NOVA1: variants seen among roughly 807,000 people sequenced by gnomAD.
The protein encoded by NOVA1 is NOVA alternative splicing regulator 1.
Under a neutral mutation model 38.0 loss-of-function variants are expected in NOVA1, and 7 were observed. The ratio of observed to expected loss-of-function variants is 0.18; its 90% CI spans 0.10 to 0.35. The LOEUF (loss-of-function observed/expected upper bound fraction) is 0.35, where lower values mean the gene tolerates loss of function less well. Ranked by LOEUF, NOVA1 falls within the 10% of genes least tolerant of loss-of-function variation. The pLI, the probability that NOVA1 is intolerant of heterozygous loss-of-function variation, is 1.00. For missense variants in NOVA1, 460 were observed against 616.0 expected (o/e 0.75, Z 2.68); for synonymous variants, 270 against 232.5 (o/e 1.16, Z -1.47).
intron 2 of NOVA1, among the ~76,000 whole-genome samples, chr14:26,563,386 G>A (rs1891944542): frequency 6.9e-6 from 1 of 144,768 alleles, no homozygotes; most frequent in Admixed American, 7.0e-5. Flanking sequence ...GAAACAGTAA[G>A]AACTTTTAGA....
chr14:26,549,712 T>C (rs1228532519), intron 2 of NOVA1: 1 of 1,288,082 alleles, frequency 7.8e-7, no homozygotes, highest in Non-Finnish European at 1.0e-6. Context: ...AGTTTCACTC[T>C]GCAGATGGCA....
intron 2 of NOVA1, among the ~76,000 whole-genome samples, chr14:26,561,966 T>C (rs537427279): frequency 1.5e-4 from 23 of 152,222 alleles, no homozygotes; most frequent in Non-Finnish European, 3.1e-4. Flanking sequence ...TAATCGTTTA[T>C]ATTAAAGTTT....
chr14:26,477,373 C>A lies in NOVA1; in HGVS notation c.447+2604G>T, dbSNP rs547802564. Among the ~76,000 whole-genome samples the A allele has an allele frequency of 2.5e-3, 387 of 152,004 alleles. 1 individual carries two copies. The highest frequency in any genetic ancestry group is 8.8e-3 in the African/African-American group (366 of 41,476). ...CCTGATGTAGCTTTTAGAAAAAATA[C>A]ATATATGAATTAAGAATTAAATATT... On this transcript the variant is annotated intron_variant, in intron 3 of 4. Coordinates refer to ENST00000539517, the MANE Select transcript of NOVA1 (RefSeq NM_002515.3).
intron 2 of NOVA1, among the ~76,000 whole-genome samples, chr14:26,581,650 T>G (rs1893231879): frequency 6.6e-6 from 1 of 151,986 alleles, no homozygotes; most frequent in Admixed American, 6.6e-5. Flanking sequence ...AATGGCAAAA[T>G]TTTTGTAGGA....
At chr14:26,505,073 G>A (rs1306361473) in intron 2 of NOVA1, among the ~76,000 whole-genome samples, 1 of 151,984 alleles carries the variant, frequency 6.6e-6, no homozygotes, top group African/African-American at 2.4e-5. Context: ...GAGGCCTGTA[G>A]TAAATCACAT....
intron 2 of NOVA1, among the ~76,000 whole-genome samples, chr14:26,512,035 G>T (rs1888135180): frequency 6.6e-6 from 1 of 151,982 alleles, no homozygotes. Flanking sequence ...CTTTTTCATG[G>T]AAGATTTCAT....
intron 2 of NOVA1, among the ~76,000 whole-genome samples, chr14:26,486,983 A>G (rs1885967648): frequency 6.6e-6 from 1 of 152,124 alleles, no homozygotes; most frequent in African/African-American, 2.4e-5. Context: ...AAAATCACCC[A>G]TAATAGTCTA....
chr14:26,493,925 C>T (rs1270507467), intron 2 of NOVA1, among the ~76,000 whole-genome samples: 1 of 152,124 alleles, frequency 6.6e-6, no homozygotes, highest in Admixed American at 6.5e-5. Flanking sequence ...CACATAATTA[C>T]AAGGAGCAGA....
In NOVA1 at chr14:26,480,139, A is replaced by C; in HGVS notation, c.285T>G (p.Thr95=). ...CCTGGATCAAGCACACTCGCTCAGTAGTACCTGTGGATAAAACATTGATTT... is the reference window on the plus strand; with the variant it reads ...CCTGGATCAAGCACACTCGCTCAGTCGTACCTGTGGATAAAACATTGATTT... ...LSKSKDFYPG[T]TERVCLIQGT... The change falls in exon 3 of 5, where the codon ACT becomes ACG. Residue 95 remains threonine (T), a synonymous_variant. Coordinates refer to ENST00000539517, the MANE Select transcript of NOVA1 (RefSeq NM_002515.3). 1 of 1,607,660 alleles carries C rather than the reference A, an allele frequency of 6.2e-7. No individual in the cohort carries two copies. Among genetic ancestry groups the C allele is most frequent in the African/African-American group, 1.3e-5 (1 of 74,772 alleles).
chr14:26,519,177 T>C (rs562948698), intron 2 of NOVA1: 4 of 140,128 alleles, frequency 2.9e-5, no homozygotes, highest in Admixed American at 6.9e-5. Flanking sequence ...AACTATATAA[T>C]GTATAATTTT....
chr14:26,482,720 CAG>C (rs1885566742), intron 2 of NOVA1, among the ~76,000 whole-genome samples: 2 of 152,058 alleles, frequency 1.3e-5, no homozygotes, highest in South Asian at 4.2e-4. Context: ...TTTTTTGAGA[CAG>C]AGTCTCACTT....
intron 2 of NOVA1, among the ~76,000 whole-genome samples, chr14:26,562,930 A>T (rs2138688710): frequency 6.6e-6 from 1 of 152,256 alleles, no homozygotes; most frequent in Non-Finnish European, 1.5e-5. Flanking sequence ...GCGGTTCCTA[A>T]ATATTGGCAG....
At chr14:26,588,952 T>C (rs1419262837) in intron 2 of NOVA1, among the ~76,000 whole-genome samples, 1 of 151,356 alleles carries the variant, frequency 6.6e-6, no homozygotes, top group Non-Finnish European at 1.5e-5. Flanking sequence ...TTACCAATAC[T>C]GGTAAATATT....
intron 2 of NOVA1, among the ~76,000 whole-genome samples, chr14:26,537,129 G>T (rs560293164): frequency 1.3e-5 from 2 of 151,878 alleles, no homozygotes; most frequent in African/African-American, 4.8e-5. Context: ...TAGCAAAAAA[G>T]ACTGAAACAA....
At chr14:26,485,385 TATA>T (rs979371990) in intron 2 of NOVA1, among the ~76,000 whole-genome samples, 12 of 152,180 alleles carry the variant, frequency 7.9e-5, no homozygotes, top group African/African-American at 2.2e-4. Context: ...ATTTAAAAAC[TATA>T]ATAAGTTATA....
intron 2 of NOVA1, among the ~76,000 whole-genome samples, chr14:26,508,103 T>C (rs189263874): frequency 1.3e-5 from 2 of 152,212 alleles, no homozygotes; most frequent in Non-Finnish European, 2.9e-5. Context: ...GCAACTGCTG[T>C]TGTTCATACT....
At chr14:26,572,725 AGT>A (rs56021646) in intron 2 of NOVA1, among the ~76,000 whole-genome samples, 4,840 of 138,492 alleles carry the variant, frequency 0.035, 197 homozygotes, top group African/African-American at 0.1. Flanking sequence ...AAGGAACCGC[AGT>A]GTGTGTGTGT....
chr14:26,546,645 C>T (rs1429437682), intron 2 of NOVA1, among the ~76,000 whole-genome samples: 1 of 152,120 alleles, frequency 6.6e-6, no homozygotes. Context: ...TTCTTAAAGC[C>T]TCTAATGGAA....
chr14:26,499,417 T>C (rs893453924), intron 2 of NOVA1, among the ~76,000 whole-genome samples: 29 of 152,290 alleles, frequency 1.9e-4, no homozygotes, highest in Middle Eastern at 6.8e-3. Context: ...TGCAGCAAAT[T>C]GGTTTTCCTT....
Sources: allele counts gnomAD v4.1 joint callset (sites outside exome capture counted in the v4.1 genomes callset), GRCh38; gene constraint gnomAD v4.1.1; transcripts MANE v1.5; gene names NCBI Gene and HGNC (gene_info 2026-07-23, HGNC 2026-07-21).